ZNF17: variants seen among roughly 807,000 people sequenced by gnomAD.
ZNF17 encodes the protein zinc finger protein 17 (HPF3, KOX 10).
A neutral mutation model predicts 7.7 loss-of-function variants in ZNF17; 4 were observed. That is an observed-to-expected ratio of 0.52 (90% CI 0.26 to 1.20). The LOEUF is 1.20. ZNF17 is among the 50% of genes most tolerant of loss of function. The probability of loss-of-function intolerance (pLI) is 0.14; values close to 1 mark genes in which losing one functional copy is unlikely to be tolerated. For synonymous variants in ZNF17, 249 were observed against 258.8 expected, an observed-to-expected ratio of 0.96 and a Z score of 0.36; for missense variants, 738 against 799.5, an observed-to-expected ratio of 0.92 and a Z score of 0.93.
intron 1 of ZNF17, 51 bp downstream of exon 1, chr19:57,411,457 A>T (rs768470070): frequency 2.7e-5 from 43 of 1,599,484 alleles, no homozygotes; most frequent in Non-Finnish European, 3.6e-5. Flanking sequence ...CCGAGTGCCG[A>T]AGCCCCGAGG....
rs1484165919 is a variant in ZNF17 at position 57,418,049 on chromosome 19, G to C, written c.148+11G>C. ...TTTTGTCCTCAGTAGGTAAGGCCCTGACACCTACGTCAGTGTCTTGTGCTG... is the reference window on the plus strand; with the variant it reads ...TTTTGTCCTCAGTAGGTAAGGCCCTCACACCTACGTCAGTGTCTTGTGCTG... On this transcript the variant is annotated intron_variant, in intron 3 of 3. Transcript: ENST00000307658. 6.2e-7 allele frequency: 1 copy of C among 1,610,460 alleles called. No individual in the cohort carries two copies.
Position 57,421,522 on chromosome 19 carries a change from G to C in ZNF17, c.*41G>C, listed in dbSNP as rs1288027955. The C allele has an allele frequency of 2.0e-6, 3 of 1,537,178 alleles. No individual in the cohort carries two copies. Among genetic ancestry groups the C allele is most frequent in the African/African-American group, 1.4e-5 (1 of 72,278 alleles). On this transcript the variant is annotated 3_prime_UTR_variant, in exon 4 of 4. Coordinates refer to ENST00000307658, the MANE Select transcript of ZNF17 (RefSeq NM_001330617.2). Reference sequence around the variant, plus strand: ...AGCAGATGGGGAAAGACTTCACACAGAAATCTACTCTGATTTAGCACTGGG... The same window carrying C: ...AGCAGATGGGGAAAGACTTCACACACAAATCTACTCTGATTTAGCACTGGG...
intron 2 of ZNF17, 63 bp from the exon 3 acceptor site, chr19:57,417,845 CAAAA>C (rs71186259): frequency 6.5e-4 from 867 of 1,329,192 alleles, no homozygotes; most frequent in East Asian, 1.3e-3. Flanking sequence ...GACTCCATCT[CAAAA>C]AAAAAAAAAA....
In ZNF17 at chr19:57,420,334, A is replaced by G; in HGVS notation, c.848A>G (p.Lys283Arg). 6.2e-7 allele frequency: 1 copy of G among 1,614,178 alleles called. No individual in the cohort carries two copies. The highest frequency in any genetic ancestry group is 8.5e-7 in the Non-Finnish European group (1 of 1,180,008). The part of the protein sequence containing the change: ...ERPYECSECG[K>R]AFLRKSHLLQ... ...CCTTATGAGTGCAGTGAATGTGGGAAAGCTTTTCTTAGAAAGTCTCACCTA... is the reference window on the plus strand; with the variant it reads ...CCTTATGAGTGCAGTGAATGTGGGAGAGCTTTTCTTAGAAAGTCTCACCTA... The change falls in exon 4 of 4, where the codon AAA (lysine) becomes AGA (arginine). Residue 283 changes from lysine to arginine, a missense_variant. By Grantham distance (26) the Lys-to-Arg change is conservative. This residue lies in a region of ZNF17 where 616 missense variants were observed against 663.9 expected (regional missense o/e 0.93). Coordinates refer to ENST00000307658, the MANE Select transcript of ZNF17 (RefSeq NM_001330617.2).
rs998832770 is a variant in ZNF17 at position 57,421,769 on chromosome 19, A to T, written c.*288A>T. 1 of 285,244 alleles carries T rather than the reference A, an allele frequency of 3.5e-6. No individual in the cohort carries two copies. The highest frequency in any genetic ancestry group is 2.2e-5 in the African/African-American group (1 of 45,994). The allele number at this position is 285,244 out of a possible 1,614,324, so 17.7% of individuals were successfully genotyped here. ...AGCACCGCTCTGTATGAATTTTACT[A>T]GTCCGGGTACCTCATATAAGAAAAC... On this transcript the variant is annotated 3_prime_UTR_variant, in exon 4 of 4. Coordinates refer to ENST00000307658, the MANE Select transcript of ZNF17 (RefSeq NM_001330617.2).
At position 57,420,017 on chromosome 19, in the gene ZNF17, G is replaced by A. The variant is rs200572163; in HGVS notation, c.531G>A (p.Arg177=). 2.5e-6 allele frequency: 4 copies of A among 1,614,030 alleles called. No individual in the cohort carries two copies. Among genetic ancestry groups the A allele is most frequent in the African/African-American group, 1.3e-5 (1 of 74,904 alleles). ...TTCACAGTGGGTGGAAGCCACACAG[G>A]GACACTCATGGTGTGGAGGCCTTTC... ...QALHSGWKPH[R]DTHGVEAFQS... Residue 177 remains arginine, a synonymous_variant, in exon 4 of 4, where the codon AGG becomes AGA. Coordinates refer to ENST00000307658, the MANE Select transcript of ZNF17 (RefSeq NM_001330617.2).
chr19:57,412,925 T>C (rs1298906231), intron 1 of ZNF17, among the ~76,000 whole-genome samples: 4 of 151,940 alleles, frequency 2.6e-5, no homozygotes, highest in African/African-American at 9.7e-5. Context: ...GTCGCCAGGC[T>C]GGAGTGCAGT....
At chr19:57,418,222 T>C (rs2088824345) in intron 3 of ZNF17, among the ~76,000 whole-genome samples, 184 bp downstream of exon 3, 1 of 152,146 alleles carries the variant, frequency 6.6e-6, no homozygotes, top group African/African-American at 2.4e-5. Context: ...GAAGCTTAGC[T>C]CTTGTCACTC....
Position 57,421,554 on chromosome 19 carries a change from G to C in ZNF17, c.*73G>C, listed in dbSNP as rs969528000. 1.4e-5 allele frequency: 20 copies of C among 1,480,166 alleles called. No individual in the cohort carries two copies. The Admixed American group carries it at 3.9e-4, about 29-fold the overall frequency. 91.7% of individuals were successfully genotyped at this position (1,480,166 alleles called of 1,614,324 possible). A position where few individuals can be genotyped will look rare whatever the true frequency, so the allele number is the denominator to read the frequency against. On this transcript the variant is annotated 3_prime_UTR_variant, in exon 4 of 4. Coordinates refer to ENST00000307658, the MANE Select transcript of ZNF17 (RefSeq NM_001330617.2). ...ACTCTGATTTAGCACTGGGACCTAC[G>C]TTTTAAAAAAAGTATTCTTGTAGAA...
In ZNF17 at chr19:57,420,886, CTG is replaced by C. The variant is rs1245519109; in HGVS notation, c.1401_1402del (p.Gly468ArgfsTer5). The C allele has an allele frequency of 6.2e-7, 1 of 1,614,180 alleles. No individual in the cohort carries two copies. Among genetic ancestry groups the C allele is most frequent in the Admixed American group, 1.7e-5 (1 of 60,020 alleles). On this transcript the variant is annotated frameshift_variant, in exon 4 of 4. Coordinates refer to ENST00000307658, the MANE Select transcript of ZNF17 (RefSeq NM_001330617.2). LOFTEE classifies it low-confidence loss of function (END_TRUNC). ...CTGAATAGACATCAGAGAGTTCACT[CTG>C]GAGAGAGGCCTTATGAATGCAGTGA...
chr19:57,420,714 CA>C lies in ZNF17; in HGVS notation c.1229del (p.His410ProfsTer50). 1 of 1,614,068 alleles carries C rather than the reference CA, an allele frequency of 6.2e-7. No individual in the cohort carries two copies. The highest frequency in any genetic ancestry group is 8.5e-7 in the Non-Finnish European group (1 of 1,179,996). ...RSTLIRHQKV[H>X]TGEKPYECSE... is the part of the protein sequence containing the mutation. ...CACACTCATTAGACATCAGAAAGTTCACACTGGAGAAAAGCCTTATGAGTGT... is the reference window on the plus strand; with the variant it reads ...CACACTCATTAGACATCAGAAAGTTCCACTGGAGAAAAGCCTTATGAGTGT... On this transcript the variant is annotated frameshift_variant, in exon 4 of 4. Transcript: ENST00000307658. LOFTEE classifies it low-confidence loss of function (END_TRUNC).
chr19:57,420,086 CTT>C lies in ZNF17; in HGVS notation c.603_604del (p.Phe201LeufsTer8). 6.2e-7 allele frequency: 1 copy of C among 1,614,228 alleles called. No homozygotes were observed. Among genetic ancestry groups the C allele is most frequent in the Non-Finnish European group, 8.5e-7 (1 of 1,180,040 alleles). On this transcript the variant is annotated frameshift_variant, in exon 4 of 4. Coordinates refer to ENST00000307658, the MANE Select transcript of ZNF17 (RefSeq NM_001330617.2). LOFTEE classifies it low-confidence loss of function (END_TRUNC). ...ACAGCTGCACCCAATGTGGGAAAGA[CTT>C]TTGCCACCAACATACACTGTTTGAG... ...NYSCTQCGKD[F>X]CHQHTLFEHQ...
At chr19:57,415,136 T>C (rs2088803801) in intron 2 of ZNF17, among the ~76,000 whole-genome samples, 1 of 152,128 alleles carries the variant, frequency 6.6e-6, no homozygotes, top group African/African-American at 2.4e-5. Context: ...TGGTGGTGGC[T>C]GGACACGAGT....
intron 2 of ZNF17, among the ~76,000 whole-genome samples, chr19:57,415,272 C>T (rs1022991312): frequency 6.6e-6 from 1 of 152,048 alleles, no homozygotes. Flanking sequence ...AGGAATGGCC[C>T]CATTGTTTTG....
intron 1 of ZNF17, among the ~76,000 whole-genome samples, chr19:57,412,041 GTT>G (rs2088780577): frequency 6.9e-6 from 1 of 145,086 alleles, no homozygotes; most frequent in East Asian, 1.9e-4. Flanking sequence ...GGAGGGCTGA[GTT>G]TTGGAGGGCA....
Position 57,411,273 on chromosome 19 carries a change from A to T in ZNF17, c.-154A>T. The T allele has an allele frequency of 7.1e-7, 1 of 1,416,916 alleles. No homozygotes were observed. The highest frequency in any genetic ancestry group is 9.6e-7 in the Non-Finnish European group (1 of 1,043,714). 87.8% of individuals were successfully genotyped at this position (1,416,916 alleles called of 1,614,324 possible). A position where few individuals can be genotyped will look rare whatever the true frequency, so the allele number is the denominator to read the frequency against. Reference sequence around the variant, plus strand: ...ACGCGAGAAAAGGTTTCCCCGTTGTACAGAGGCTAGAGTGAGGCTCGGTTG... The same window carrying T: ...ACGCGAGAAAAGGTTTCCCCGTTGTTCAGAGGCTAGAGTGAGGCTCGGTTG... On this transcript the variant is annotated 5_prime_UTR_variant, in exon 1 of 4. Transcript: ENST00000307658.
At chr19:57,417,718 G>A (rs773613169) in intron 2 of ZNF17, among the ~76,000 whole-genome samples, 194 bp from the exon 3 acceptor site, 6 of 151,782 alleles carry the variant, frequency 4.0e-5, no homozygotes, top group Admixed American at 1.3e-4. Flanking sequence ...ATGGTGGCAC[G>A]CGCCTGTAAT....
intron 3 of ZNF17, 145 bp downstream of exon 3, chr19:57,418,183 G>T: frequency 8.9e-7 from 1 of 1,122,688 alleles, no homozygotes; most frequent in Non-Finnish European, 1.3e-6. Context: ...CTACAGCTGG[G>T]CTGTGTGATC....
intron 2 of ZNF17, among the ~76,000 whole-genome samples, chr19:57,417,116 G>A (rs942739960): frequency 6.6e-6 from 1 of 152,080 alleles, no homozygotes; most frequent in Non-Finnish European, 1.5e-5. Context: ...TTTTCAATTG[G>A]TGAGAAATCA....
Sources: allele counts gnomAD v4.1 joint callset (sites outside exome capture counted in the v4.1 genomes callset), GRCh38; gene constraint gnomAD v4.1.1; regional missense constraint gnomAD v4.1.1; transcripts MANE v1.5; gene names NCBI Gene and HGNC (gene_info 2026-07-23, HGNC 2026-07-21).